Variants in METTL8 observed in about 807,000 individuals in gnomAD.
METTL8 encodes the protein tRNA N(3)-cytidine methyltransferase METTL8, mitochondrial.
Under a neutral mutation model 48.7 loss-of-function variants are expected in METTL8, and 32 were observed. The ratio of observed to expected loss-of-function variants is 0.66; its 90% CI spans 0.50 to 0.88. METTL8 has a LOEUF of 0.88. Ranked by LOEUF, METTL8 falls within the 40% of genes least tolerant of loss-of-function variation. The pLI is 0.00. For synonymous variants in METTL8, 136 were observed against 157.1 expected (o/e 0.87, Z 1.01); for missense variants, 464 against 474.4 (o/e 0.98, Z 0.20).
At chr2:171,404,091 A>ATATATATG (rs1689934157) in intron 1 of METTL8, among the ~76,000 whole-genome samples, 2 of 107,418 alleles carry the variant, frequency 1.9e-5, no homozygotes, top group South Asian at 6.0e-4. Flanking sequence ...ATATATATAT[A>ATATATATG]TATATATATG....
intron 7 of METTL8, chr2:171,326,499 T>G (rs1407845145): frequency 5.4e-6 from 1 of 183,598 alleles, no homozygotes; most frequent in East Asian, 1.5e-4. Context: ...AACAATGGAG[T>G]GTGCTTCATT....
Position 171,318,818 on chromosome 2 carries a change from T to C in METTL8, c.*5354A>G, listed in dbSNP as rs556460280. 1.6e-4 allele frequency: 24 copies of C among 151,854 alleles called. No homozygotes were observed. Among genetic ancestry groups the C allele is most frequent in the African/African-American group, 5.3e-4 (22 of 41,440 alleles). The allele number at this position is 151,854 out of a possible 1,614,324, so 9.4% of individuals were successfully genotyped here. Reference sequence around the variant, plus strand: ...TTCCCTGGTGCCTTTCCCAGCAGCATTTGGGCCCATCCATTACAAGAGCAG... The same window carrying C: ...TTCCCTGGTGCCTTTCCCAGCAGCACTTGGGCCCATCCATTACAAGAGCAG... On this transcript the variant is annotated 3_prime_UTR_variant, in exon 10 of 10. Transcript: ENST00000375258.
chr2:171,338,553 T>C (rs1575752194), intron 4 of METTL8, among the ~76,000 whole-genome samples: 2 of 151,786 alleles, frequency 1.3e-5, no homozygotes, highest in Non-Finnish European at 2.9e-5. Context: ...GGCAGGAGAA[T>C]TGCTTGAACC....
At chr2:171,416,794 AC>A (rs1232913444) in intron 1 of METTL8, among the ~76,000 whole-genome samples, 1 of 152,230 alleles carries the variant, frequency 6.6e-6, no homozygotes, top group Non-Finnish European at 1.5e-5. Flanking sequence ...TCACATAGCC[AC>A]AAGAGCCCAC....
At chr2:171,335,273 A>G (rs555989730) in intron 5 of METTL8, among the ~76,000 whole-genome samples, 1 of 152,298 alleles carries the variant, frequency 6.6e-6, no homozygotes, top group South Asian at 2.1e-4. Flanking sequence ...GTTTATAATA[A>G]TATTAGAGAG....
intron 2 of METTL8, among the ~76,000 whole-genome samples, chr2:171,385,504 A>C (rs1359270569): frequency 2.0e-5 from 3 of 152,176 alleles, no homozygotes; most frequent in Non-Finnish European, 4.4e-5. Context: ...AGAAGAAAAA[A>C]ATGTAAAAAA....
At chr2:171,391,930 A>C (rs1688614428) in intron 2 of METTL8, 113 bp downstream of exon 2, 5 of 1,083,772 alleles carry the variant, frequency 4.6e-6, no homozygotes, top group Middle Eastern at 3.1e-4. Flanking sequence ...GGACCTCTAC[A>C]ACATGAGTTA....
intron 5 of METTL8, among the ~76,000 whole-genome samples, chr2:171,334,581 A>G (rs1450487344): frequency 6.6e-6 from 1 of 152,246 alleles, no homozygotes; most frequent in Non-Finnish European, 1.5e-5. Context: ...TAAAAGTAGT[A>G]AAACATAATT....
chr2:171,397,374 A>AC (rs1689187125), intron 1 of METTL8, among the ~76,000 whole-genome samples: 1 of 147,236 alleles, frequency 6.8e-6, no homozygotes, highest in Non-Finnish European at 1.5e-5. Flanking sequence ...AAAAAAAAAA[A>AC]AAAAACAACA....
At chr2:171,366,246 C>CTTGAGTATTTAGT (rs1685706234) in intron 2 of METTL8, among the ~76,000 whole-genome samples, 1 of 152,132 alleles carries the variant, frequency 6.6e-6, no homozygotes, top group African/African-American at 2.4e-5. Context: ...GTGGAAAGAT[C>CTTGAGTATTTAGT]TATCTGAGCA....
intron 2 of METTL8, among the ~76,000 whole-genome samples, chr2:171,389,413 G>C (rs1056387623): frequency 6.7e-5 from 10 of 149,532 alleles, no homozygotes; most frequent in African/African-American, 2.5e-4. Context: ...CCAGCTACTT[G>C]GGAGGCTGAG....
intron 7 of METTL8, among the ~76,000 whole-genome samples, chr2:171,327,826 C>A (rs1291762803): frequency 6.6e-6 from 1 of 152,164 alleles, no homozygotes; most frequent in African/African-American, 2.4e-5. Flanking sequence ...GAAAGAAAAT[C>A]ATATCTAAAC....
rs1684250620 is a variant in METTL8, at chr2:171,316,082, C to T, written c.*8090G>A. Reference sequence around the variant, plus strand: ...TCCTCGTGCACATGATCAGCTTTTGCACATGCTTGGAGGAAAAACAACACT... The same window carrying T: ...TCCTCGTGCACATGATCAGCTTTTGTACATGCTTGGAGGAAAAACAACACT... On this transcript the variant is annotated 3_prime_UTR_variant, in exon 10 of 10. Coordinates refer to ENST00000375258, the MANE Select transcript of METTL8 (RefSeq NM_001321154.2). Among the ~76,000 whole-genome samples the T allele has an allele frequency of 6.6e-6, 1 of 152,186 alleles. No homozygotes were observed. The highest frequency in any genetic ancestry group is 2.1e-4 in the South Asian group (1 of 4,832).
At chr2:171,370,946 G>T (rs2105500879) in intron 2 of METTL8, among the ~76,000 whole-genome samples, 1 of 152,074 alleles carries the variant, frequency 6.6e-6, no homozygotes, top group Non-Finnish European at 1.5e-5. Context: ...CTGGGCAGGT[G>T]GACATATTAC....
intron 3 of METTL8, among the ~76,000 whole-genome samples, chr2:171,355,345 G>A (rs777479688): frequency 6.6e-6 from 1 of 152,144 alleles, no homozygotes; most frequent in Non-Finnish European, 1.5e-5. Flanking sequence ...GTCTCAGAGG[G>A]GTACCTGTCC....
At chr2:171,429,981 A>G (rs2105684543) in intron 1 of METTL8, among the ~76,000 whole-genome samples, 1 of 151,776 alleles carries the variant, frequency 6.6e-6, no homozygotes, top group East Asian at 1.9e-4. Context: ...CAGAGGTTGC[A>G]GTGAGCCGAG....
chr2:171,377,057 C>G (rs548926026), intron 2 of METTL8, among the ~76,000 whole-genome samples: 7 of 152,208 alleles, frequency 4.6e-5, no homozygotes, highest in Admixed American at 4.6e-4. Context: ...TTACAGCCAA[C>G]TAATCTTCAA....
chr2:171,408,296 G>GTTTTTTTT (rs373375150), intron 1 of METTL8, among the ~76,000 whole-genome samples: 1 of 127,230 alleles, frequency 7.9e-6, no homozygotes. Context: ...CAGTTTTTTT[G>GTTTTTTTT]TTTTTTTTTT....
chr2:171,327,408 C>T (rs914560595), intron 7 of METTL8, among the ~76,000 whole-genome samples: 1 of 152,198 alleles, frequency 6.6e-6, no homozygotes, highest in Non-Finnish European at 1.5e-5. Flanking sequence ...AGTACAAAAT[C>T]GATTATCAAT....
Sources: allele counts gnomAD v4.1 joint callset (sites outside exome capture counted in the v4.1 genomes callset), GRCh38; gene constraint gnomAD v4.1.1; transcripts MANE v1.5; gene names NCBI Gene and HGNC (gene_info 2026-07-23, HGNC 2026-07-21).